HTR4: variants seen among roughly 807,000 people sequenced by gnomAD.
The protein encoded by HTR4 is 5-hydroxytryptamine receptor 4, also known as 5-hydroxytryptamine (serotonin) receptor 4, G protein-coupled.
Under a neutral mutation model 36.8 loss-of-function variants are expected in HTR4, and 16 were observed. The ratio of observed to expected loss-of-function variants is 0.43; its 90% confidence interval spans 0.29 to 0.66. The LOEUF is 0.66. Ranked by LOEUF, HTR4 falls within the 30% of genes least tolerant of loss-of-function variation. HTR4 has a pLI of 0.13. For synonymous variants in HTR4, 189 were observed against 185.1 expected, an observed-to-expected ratio of 1.02 and a Z score of -0.17; for missense variants, 438 against 490.9, an observed-to-expected ratio of 0.89 and a Z score of 1.02.
At chr5:148,574,717 A>G (rs4546369) in intron 2 of HTR4, among the ~76,000 whole-genome samples, 41,232 of 152,052 alleles carry the variant, frequency 0.27, 7,197 homozygotes, top group African/African-American at 0.49. Context: ...GGCTGGTGAC[A>G]GAACGTCGGG....
At chr5:148,626,535 G>A (rs1333123218) in intron 2 of HTR4, among the ~76,000 whole-genome samples, 1 of 152,220 alleles carries the variant, frequency 6.6e-6, no homozygotes, top group Non-Finnish European at 1.5e-5. Context: ...AAATAAGTCA[G>A]TATGTCCCAC....
chr5:148,618,060 T>C (rs1752770417), intron 2 of HTR4, among the ~76,000 whole-genome samples: 1 of 152,162 alleles, frequency 6.6e-6, no homozygotes, highest in African/African-American at 2.4e-5. Flanking sequence ...TCAGCATCTC[T>C]AGGCTTCTAT....
chr5:148,589,552 G>A (rs936636592), intron 2 of HTR4, among the ~76,000 whole-genome samples: 4 of 151,960 alleles, frequency 2.6e-5, no homozygotes, highest in Non-Finnish European at 5.9e-5. Context: ...GTTGTTTGGT[G>A]TTTTCTCTTA....
At position 148,491,317 on chromosome 5, in the gene HTR4, T is replaced by TA. The variant is rs201451386; in HGVS notation, c.1077-8025dup. Among the ~76,000 whole-genome samples, 362 of 152,032 alleles carry TA rather than the reference T, an allele frequency of 2.4e-3. 7 individuals carry two copies. In the East Asian group the frequency reaches 0.038, roughly 16 times the overall value. ...CCGTATCAGTCGCCTTCTACGGCGC[T>TA]ATATATTTTTTTTTTTTTGGTCTTG... On this transcript the variant is annotated intron_variant, in intron 6 of 6. Transcript: ENST00000377888.
chr5:148,586,736 A>G (rs552593564), intron 2 of HTR4, among the ~76,000 whole-genome samples: 35 of 152,174 alleles, frequency 2.3e-4, no homozygotes, highest in Non-Finnish European at 2.8e-4. Flanking sequence ...GACTGAATTA[A>G]CTGATGTGTA....
downstream of HTR4, among the ~76,000 whole-genome samples, chr5:148,473,721 G>A (rs1755628869): frequency 6.6e-6 from 1 of 152,134 alleles, no homozygotes; most frequent in South Asian, 2.1e-4. Flanking sequence ...ATAAAATTTG[G>A]TGAGGTAGTC....
At chr5:148,589,943 A>G (rs930111263) in intron 2 of HTR4, among the ~76,000 whole-genome samples, 6 of 152,090 alleles carry the variant, frequency 3.9e-5, no homozygotes, top group Admixed American at 1.3e-4. Flanking sequence ...AGAACTCCAG[A>G]AGTATTTATT....
downstream of HTR4, among the ~76,000 whole-genome samples, chr5:148,474,358 G>A (rs1755644271): frequency 2.0e-5 from 3 of 152,118 alleles, no homozygotes; most frequent in Admixed American, 6.5e-5. Context: ...TCTTTATCCT[G>A]GCCAAGAATT....
chr5:148,603,124 T>C (rs1762053759), intron 2 of HTR4, among the ~76,000 whole-genome samples: 1 of 152,038 alleles, frequency 6.6e-6, no homozygotes, highest in South Asian at 2.1e-4. Flanking sequence ...GATAAATATA[T>C]GCATATTTAT....
chr5:148,615,674 G>T (rs1212793215), intron 2 of HTR4, among the ~76,000 whole-genome samples: 2 of 147,906 alleles, frequency 1.4e-5, no homozygotes, highest in African/African-American at 5.0e-5. Flanking sequence ...AAAACTTAAA[G>T]TATAATAATT....
chr5:148,488,024 A>G lies in HTR4; in HGVS notation c.1077-4731T>C, dbSNP rs555346192. Among the ~76,000 whole-genome samples, 11 of 152,340 alleles carry G rather than the reference A, an allele frequency of 7.2e-5. No individual in the cohort carries two copies. In the East Asian group the frequency reaches 1.5e-3, roughly 21 times the overall value. On this transcript the variant is annotated intron_variant, in intron 6 of 6. Coordinates refer to ENST00000377888, the MANE Select transcript of HTR4 (RefSeq NM_000870.7). ...AGCAATGTTTTTTTAGGTGCTTTTC[A>G]TGTGATGAGAAATAGAATTCTTGGG...
intron 2 of HTR4, among the ~76,000 whole-genome samples, chr5:148,604,173 A>G (rs996506388): frequency 6.6e-6 from 1 of 152,164 alleles, no homozygotes; most frequent in Non-Finnish European, 1.5e-5. Flanking sequence ...GAAACCATTG[A>G]TAAATTAGAC....
intron 5 of HTR4, among the ~76,000 whole-genome samples, chr5:148,515,896 T>C (rs994011191): frequency 1.1e-4 from 16 of 151,772 alleles, no homozygotes; most frequent in African/African-American, 3.9e-4. Context: ...TCTACAAATA[T>C]TACATCTGCC....
intron 4 of HTR4, among the ~76,000 whole-genome samples, chr5:148,538,902 A>T (rs953047204): frequency 2.0e-5 from 3 of 152,220 alleles, no homozygotes; most frequent in Non-Finnish European, 2.9e-5. Context: ...GAACCAAAAA[A>T]AAGCCCAAAT....
rs201392976 is a variant in HTR4, at chr5:148,509,954, G to A, written c.578C>T (p.Ala193Val). ...GAAGGCCACCACAGAGCAGGTGATGGCGTAGGGCTTGTTGACCATGAAGAC... is the reference window on the plus strand; with the variant it reads ...GAAGGCCACCACAGAGCAGGTGATGACGTAGGGCTTGTTGACCATGAAGAC... The part of the protein sequence containing the change: ...YCVFMVNKPY[A>V]ITCSVVAFYI... The change falls in exon 6 of 7, where the codon GCC becomes GTC. Residue 193 changes from alanine (A) to valine (V), a missense_variant. Ala to Val is a moderately conservative substitution (Grantham distance 64). Transcript: ENST00000377888. The A allele has an allele frequency of 1.1e-5, 17 of 1,613,982 alleles. No individual in the cohort carries two copies. The highest frequency in any genetic ancestry group is 1.4e-5 in the Non-Finnish European group (16 of 1,179,978).
At chr5:148,524,792 C>T (rs947101247) in intron 4 of HTR4, among the ~76,000 whole-genome samples, 8 of 152,156 alleles carry the variant, frequency 5.3e-5, no homozygotes, top group African/African-American at 1.9e-4. Context: ...TAATTTTTCC[C>T]ACCTCTTCTT....
chr5:148,648,376 A>G lies in HTR4; in HGVS notation c.-48+5686T>C, dbSNP rs141825274. Among the ~76,000 whole-genome samples the G allele has an allele frequency of 1.4e-4, 22 of 152,314 alleles. No homozygotes were observed. In the East Asian group the frequency reaches 4.3e-3, roughly 29 times the overall value. On this transcript the variant is annotated intron_variant, in intron 1 of 6. Coordinates refer to ENST00000377888, the MANE Select transcript of HTR4 (RefSeq NM_000870.7). ...TGAGCAGAATGAGAAGCCAGGCCAC[A>G]TGACACAGAAACCAGGTGGACAAAG...
intron 5 of HTR4, among the ~76,000 whole-genome samples, chr5:148,519,157 C>T (rs1757895068): frequency 6.6e-6 from 1 of 152,062 alleles, no homozygotes; most frequent in Non-Finnish European, 1.5e-5. Flanking sequence ...GAATATTAAA[C>T]ATAGTAATAT....
chr5:148,578,944 C>A (rs1055042167), intron 2 of HTR4, among the ~76,000 whole-genome samples: 1 of 152,082 alleles, frequency 6.6e-6, no homozygotes, highest in African/African-American at 2.4e-5. Context: ...TTGCCCACTT[C>A]TCCTAATTAT....
Sources: gnomAD v4.1 joint callset for allele counts (sites outside exome capture counted in the v4.1 genomes callset) on GRCh38, gnomAD v4.1.1 for gene constraint, MANE v1.5 for transcripts, NCBI Gene and HGNC (gene_info 2026-07-23, HGNC 2026-07-21) for gene names.